MITF: variants seen among roughly 807,000 people sequenced by gnomAD.
MITF encodes the protein microphthalmia-associated transcription factor.
A neutral mutation model predicts 60.5 loss-of-function variants in MITF; 17 were observed. That is an observed-to-expected ratio of 0.28 (90% confidence interval 0.19 to 0.42). The LOEUF is 0.42. MITF is among the 10% of genes least tolerant of loss of function. MITF has a pLI of 1.00. For missense variants in MITF, 622 were observed against 683.5 expected (o/e 0.91, Z 1.00); for synonymous variants, 260 against 248.5 (o/e 1.05, Z -0.43).
chr3:69,957,340 T>C (rs2066424422), intron 8 of MITF, among the ~76,000 whole-genome samples: 1 of 152,216 alleles, frequency 6.6e-6, no homozygotes, highest in Non-Finnish European at 1.5e-5. Context: ...TTTAGCTACC[T>C]AATAAAATGT....
At chr3:69,889,196 C>T (rs1245149415) in intron 2 of MITF, among the ~76,000 whole-genome samples, 1 of 151,712 alleles carries the variant, frequency 6.6e-6, no homozygotes, top group Non-Finnish European at 1.5e-5. Context: ...ATGCCAGATT[C>T]CCATTAATGC....
intron 1 of MITF, among the ~76,000 whole-genome samples, chr3:69,786,487 T>C (rs1293064974): frequency 6.6e-6 from 1 of 152,186 alleles, no homozygotes; most frequent in Non-Finnish European, 1.5e-5. Context: ...GTAAAATGAA[T>C]GTATATCCTT....
chr3:69,764,633 T>G (rs1383041695), intron 1 of MITF, among the ~76,000 whole-genome samples: 2 of 152,322 alleles, frequency 1.3e-5, no homozygotes, highest in Admixed American at 6.5e-5. Flanking sequence ...TTTTGCACTT[T>G]GGACTGTCTT....
intron 2 of MITF, 117 bp from the exon 3 acceptor site, chr3:69,937,705 C>T: frequency 1.2e-6 from 1 of 855,388 alleles, no homozygotes; most frequent in Non-Finnish European, 1.9e-6. Context: ...ATAACAAAGG[C>T]TTAATAATTT....
At chr3:69,847,122 T>A (rs941590821) in intron 1 of MITF, among the ~76,000 whole-genome samples, 6 of 152,144 alleles carry the variant, frequency 3.9e-5, no homozygotes, top group Non-Finnish European at 7.3e-5. Flanking sequence ...TCACCCTCTA[T>A]AAGGACAGTG....
intron 1 of MITF, among the ~76,000 whole-genome samples, chr3:69,858,086 G>T (rs1193118237): frequency 1.3e-5 from 2 of 151,686 alleles, no homozygotes; most frequent in African/African-American, 4.8e-5. Flanking sequence ...TTTTAAGTAA[G>T]GATTTAATTT....
intron 2 of MITF, among the ~76,000 whole-genome samples, chr3:69,912,492 C>G (rs186922919): frequency 2.0e-5 from 3 of 152,142 alleles, no homozygotes; most frequent in African/African-American, 7.2e-5. Flanking sequence ...CAGAAACTTG[C>G]CATCACTGTA....
intron 1 of MITF, among the ~76,000 whole-genome samples, chr3:69,820,387 T>C (rs759851324): frequency 2.5e-4 from 38 of 152,174 alleles, no homozygotes; most frequent in Non-Finnish European, 3.7e-4. Context: ...AGATCAGATA[T>C]GGAATCCAAA....
intron 2 of MITF, among the ~76,000 whole-genome samples, chr3:69,925,442 G>A (rs577737447): frequency 1.3e-5 from 2 of 152,122 alleles, no homozygotes; most frequent in South Asian, 2.1e-4. Flanking sequence ...TCATGGTGGC[G>A]TGAGGCATTT....
intron 1 of MITF, chr3:69,866,496 C>T: frequency 4.7e-6 from 3 of 641,190 alleles, no homozygotes; most frequent in Non-Finnish European, 2.1e-6. Context: ...TAATCAGCTT[C>T]AGCTGTAACC....
chr3:69,749,431 A>G (rs1011631021), intron 1 of MITF, among the ~76,000 whole-genome samples: 2 of 152,220 alleles, frequency 1.3e-5, no homozygotes, highest in Non-Finnish European at 2.9e-5. Context: ...TAGTTGCACC[A>G]TCTAAATTTA....
chr3:69,905,251 C>T (rs2065072555), intron 2 of MITF, among the ~76,000 whole-genome samples: 1 of 152,080 alleles, frequency 6.6e-6, no homozygotes, highest in Non-Finnish European at 1.5e-5. Flanking sequence ...GGAGAGAGGC[C>T]TGGCTTCTTT....
At chr3:69,763,697 G>A (rs2062244985) in intron 1 of MITF, 3 of 1,300,770 alleles carry the variant, frequency 2.3e-6, no homozygotes, top group Non-Finnish European at 3.0e-6. Flanking sequence ...GCCCTGGTGA[G>A]TGTTTTCAGC....
chr3:69,911,662 G>C (rs2065228442), intron 2 of MITF, among the ~76,000 whole-genome samples: 1 of 152,168 alleles, frequency 6.6e-6, no homozygotes. Context: ...AATATGCATA[G>C]ACAGTTCACA....
chr3:69,767,261 A>G (rs2062311280), intron 1 of MITF, among the ~76,000 whole-genome samples: 1 of 152,138 alleles, frequency 6.6e-6, no homozygotes, highest in Admixed American at 6.5e-5. Context: ...CTTGTAACTC[A>G]AAGTGACATA....
At chr3:69,960,276 T>C (rs185509900) in intron 9 of MITF, among the ~76,000 whole-genome samples, 220 of 152,304 alleles carry the variant, frequency 1.4e-3, no homozygotes, top group Non-Finnish European at 2.0e-3. Context: ...GAGATAGTTA[T>C]AAATAGTGGA....
intron 6 of MITF, 132 bp from the exon 7 acceptor site, chr3:69,951,680 A>T (rs910020813): frequency 3.2e-5 from 22 of 694,698 alleles, no homozygotes; most frequent in Middle Eastern, 2.4e-4. Context: ...TATCATTTTT[A>T]AAAAAACGTA....
chr3:69,963,433 C>T (rs2066600134), intron 9 of MITF, among the ~76,000 whole-genome samples: 1 of 152,100 alleles, frequency 6.6e-6, no homozygotes, highest in Non-Finnish European at 1.5e-5. Context: ...CCCCCTAGAC[C>T]AAAAGAAATA....
intron 1 of MITF, among the ~76,000 whole-genome samples, chr3:69,820,151 T>C (rs1194382929): frequency 6.6e-6 from 1 of 152,254 alleles, no homozygotes; most frequent in Non-Finnish European, 1.5e-5. Flanking sequence ...CAATTTTTAA[T>C]ATAGATTCGT....
Sources: gnomAD v4.1 joint callset for allele counts (sites outside exome capture counted in the v4.1 genomes callset) on GRCh38, gnomAD v4.1.1 for gene constraint, MANE v1.5 for transcripts, NCBI Gene and HGNC (gene_info 2026-07-23, HGNC 2026-07-21) for gene names.